TFDP1: variants seen among roughly 807,000 people sequenced by gnomAD.
TFDP1 encodes transcription factor Dp-1.
A neutral mutation model predicts 48.0 loss-of-function variants in TFDP1; 6 were observed. The ratio of observed to expected loss-of-function variants is 0.13; its 90% CI spans 0.07 to 0.25. TFDP1 has a LOEUF of 0.25. Among genes scored for constraint, TFDP1 ranks in the 10% least tolerant of loss-of-function variants. The pLI, the probability that TFDP1 is intolerant of heterozygous loss-of-function variation, is 1.00. For synonymous variants in TFDP1, 201 were observed against 211.6 expected, an observed-to-expected ratio of 0.95 and a Z score of 0.44; for missense variants, 335 against 543.0, an observed-to-expected ratio of 0.62 and a Z score of 3.81.
At position 113,625,476 on chromosome 13, in the gene TFDP1, T is replaced by C. The variant is rs1191896172; in HGVS notation, c.186+2190T>C. 5.2e-3 allele frequency among the ~76,000 whole-genome samples: 426 copies of C among 82,150 alleles called. 13 individuals carry two copies. Among genetic ancestry groups the C allele is most frequent in the Non-Finnish European group, 7.6e-3 (347 of 45,496 alleles). 53.9% of individuals were successfully genotyped at this position (82,150 alleles called of 152,430 possible). ...GTGTCTCTCACGTGTCCTCAGGTGT[T>C]TCTCAGGTGTCTCTCACGTGTTCTC... On this transcript the variant is annotated intron_variant, in intron 4 of 11. Transcript: ENST00000375370.
intron 11 of TFDP1, among the ~76,000 whole-genome samples, chr13:113,638,825 A>G (rs1168954417): frequency 6.6e-6 from 1 of 152,236 alleles, no homozygotes; most frequent in Non-Finnish European, 1.5e-5. Context: ...ATTGTGATAC[A>G]ATATATAGTA....
At chr13:113,596,590 G>A (rs2048295059) in intron 2 of TFDP1, among the ~76,000 whole-genome samples, 1 of 152,330 alleles carries the variant, frequency 6.6e-6, no homozygotes, top group Admixed American at 6.5e-5. Context: ...AGAACTGGAA[G>A]CCTGGTCTGT....
rs564479550 is a variant in TFDP1 at position 113,614,901 on chromosome 13, G to A, written c.79+3839G>A. ...TCTGAAAGCCTTCAGTGGGTTAGAC[G>A]AGGCCCACCTGCATCGAGCACAGTC... is the stretch of plus-strand genomic sequence containing the variant. On this transcript the variant is annotated intron_variant, in intron 3 of 11. Transcript: ENST00000375370. Among the ~76,000 whole-genome samples, 8 of 152,278 alleles carry A rather than the reference G, an allele frequency of 5.3e-5. No homozygotes were observed. In the South Asian group the frequency reaches 6.2e-4, roughly 12 times the overall value.
At chr13:113,628,253 G>C (rs928140798) in intron 4 of TFDP1, among the ~76,000 whole-genome samples, 16 of 151,846 alleles carry the variant, frequency 1.1e-4, no homozygotes, top group Non-Finnish European at 2.4e-4. Context: ...TGTAGAGACT[G>C]TGTCTGAAGC....
Position 113,634,609 on chromosome 13 carries a change from G to T in TFDP1, c.687+7G>T, listed in dbSNP as rs761315744. The T allele has an allele frequency of 6.2e-7, 1 of 1,601,082 alleles. No individual in the cohort carries two copies. The highest frequency in any genetic ancestry group is 8.5e-7 in the Non-Finnish European group (1 of 1,172,054). ...TCAAGAACTTATTCTACAGGTAAGA[G>T]AATACGTATCTGTGGAGGCAGGGTA... On this transcript the variant is annotated splice_region_variant and intron_variant, in intron 8 of 11. Coordinates refer to ENST00000375370, the MANE Select transcript of TFDP1 (RefSeq NM_007111.5).
At chr13:113,609,027 C>T (rs977998939) in intron 2 of TFDP1, among the ~76,000 whole-genome samples, 11 of 152,244 alleles carry the variant, frequency 7.2e-5, no homozygotes, top group African/African-American at 2.7e-4. Flanking sequence ...CCACGCATGC[C>T]GGCCTTCAGG....
At position 113,623,878 on chromosome 13, in the gene TFDP1, C is replaced by T. The variant is rs375088545; in HGVS notation, c.186+592C>T. ...ATAATGCTGTTTCCTGTCTCGTGTC[C>T]GCCCTCTGCGTCCTTGCCGGTGGCA... On this transcript the variant is annotated intron_variant, in intron 4 of 11. Coordinates refer to ENST00000375370, the MANE Select transcript of TFDP1 (RefSeq NM_007111.5). The surrounding 1 kb of genome is among the most constrained non-coding windows in gnomAD (Gnocchi z 5.2). 7.9e-5 allele frequency among the ~76,000 whole-genome samples: 12 copies of T among 152,166 alleles called. No homozygotes were observed. The highest frequency in any genetic ancestry group is 1.2e-4 in the African/African-American group (5 of 41,428).
rs4150776 is a variant in TFDP1 at position 113,631,931 on chromosome 13, G to A, written c.308+187G>A. The A allele has an allele frequency of 2.1e-3, 1,640 of 773,404 alleles. 22 individuals carry two copies. In the African/African-American group the frequency reaches 0.026, roughly 12 times the overall value. The allele number at this position is 773,404 out of a possible 1,614,324, so 47.9% of individuals were successfully genotyped here. ...GTGTGCAGCCGAGGCGCACTGCCTC[G>A]GTCATGGAGAAGTCGGGCTGGGCAC... is the stretch of plus-strand genomic sequence containing the variant. On this transcript the variant is annotated intron_variant, in intron 5 of 11. Transcript: ENST00000375370.
intron 2 of TFDP1, among the ~76,000 whole-genome samples, chr13:113,602,731 TC>T (rs907618551): frequency 3.3e-5 from 5 of 151,938 alleles, no homozygotes; most frequent in Non-Finnish European, 7.4e-5. Flanking sequence ...ATTTGCAGGG[TC>T]CCCCCTGAGA....
chr13:113,608,229 T>C (rs1221536800), intron 2 of TFDP1, among the ~76,000 whole-genome samples: 1 of 152,210 alleles, frequency 6.6e-6, no homozygotes, highest in Admixed American at 6.5e-5. Flanking sequence ...AAAAAGGCAC[T>C]GTGCCACCCG....
chr13:113,613,579 TGTGC>T (rs1566655400), intron 3 of TFDP1, among the ~76,000 whole-genome samples: 1 of 96,408 alleles, frequency 1.0e-5, no homozygotes, highest in Non-Finnish European at 2.0e-5. Flanking sequence ...CGAGTGTGTG[TGTGC>T]ATGAGTGTGT....
Position 113,640,501 on chromosome 13 carries a change from G to T in TFDP1, c.*234G>T. 1.8e-6 allele frequency: 1 copy of T among 559,932 alleles called. No individual in the cohort carries two copies. Among genetic ancestry groups the T allele is most frequent in the Non-Finnish European group, 2.7e-6 (1 of 366,554 alleles). The allele number at this position is 559,932 out of a possible 1,614,324, so 34.7% of individuals were successfully genotyped here. A position where few individuals can be genotyped will look rare whatever the true frequency, so the allele number is the denominator to read the frequency against. The stretch of plus-strand genomic sequence containing the variant: ...TGCAGAGCGTTTATTTACTTGTTAG[G>T]ATTTTGTGTTTTCATTTGCTATTTT... On this transcript the variant is annotated 3_prime_UTR_variant, in exon 12 of 12. Coordinates refer to ENST00000375370, the MANE Select transcript of TFDP1 (RefSeq NM_007111.5).
chr13:113,628,916 T>A (rs1236412924), intron 4 of TFDP1, among the ~76,000 whole-genome samples: 2 of 152,104 alleles, frequency 1.3e-5, no homozygotes, highest in Admixed American at 6.5e-5. Context: ...GTCTGTTGAA[T>A]GGGAGACTGG....
At chr13:113,613,404 T>C (rs2048756915) in intron 3 of TFDP1, among the ~76,000 whole-genome samples, 1 of 152,252 alleles carries the variant, frequency 6.6e-6, no homozygotes, top group East Asian at 1.9e-4. Flanking sequence ...AGGTTTCCTT[T>C]TTTCCTCTTC....
chr13:113,620,649 A>G (rs1470481698), intron 3 of TFDP1, among the ~76,000 whole-genome samples: 4 of 152,278 alleles, frequency 2.6e-5, no homozygotes, highest in South Asian at 4.1e-4. Context: ...TACACCGTGT[A>G]TATGTGCATC....
intron 10 of TFDP1, chr13:113,637,505 A>G (rs1026225730): frequency 1.8e-6 from 2 of 1,096,364 alleles, no homozygotes; most frequent in Admixed American, 5.5e-5. Flanking sequence ...TCAGCTTGAC[A>G]CTTTGATTCG....
At position 113,633,895 on chromosome 13, in the gene TFDP1, T is replaced by C. The variant is rs200482856; in HGVS notation, c.480T>C (p.Tyr160=). Residue 160 remains tyrosine (Y), a synonymous_variant, in exon 7 of 12, where the codon TAT becomes TAC. Transcript: ENST00000375370. The surrounding 1 kb of genome is among the most constrained non-coding windows in gnomAD (Gnocchi z 4.5). ...CCACTCCCTGTCATCCCCAGGCTTATGACCAGAAAAACATAAGACGGCGCG... is the reference window on the plus strand; with the variant it reads ...CCACTCCCTGTCATCCCCAGGCTTACGACCAGAAAAACATAAGACGGCGCG... ...DNHILPNESA[Y]DQKNIRRRVY... is the part of the protein sequence containing the mutation. The C allele has an allele frequency of 5.6e-6, 9 of 1,611,632 alleles. No homozygotes were observed. In the Admixed American group the frequency reaches 1.5e-4, roughly 27 times the overall value.
In TFDP1 at chr13:113,611,191, G is replaced by A. The variant is rs1005559987; in HGVS notation, c.79+129G>A. 69 of 878,100 alleles carry A rather than the reference G, an allele frequency of 7.9e-5. 1 individual carries two copies. The Admixed American group carries it at 1.2e-3, about 15-fold the overall frequency. The allele number at this position is 878,100 out of a possible 1,614,324, so 54.4% of individuals were successfully genotyped here. A position where few individuals can be genotyped will look rare whatever the true frequency, so the allele number is the denominator to read the frequency against. On this transcript the variant is annotated intron_variant, in intron 3 of 11. Coordinates refer to ENST00000375370, the MANE Select transcript of TFDP1 (RefSeq NM_007111.5). ...TCCTGCATGGGCACCTTTGTGCTCC[G>A]GGAACCCAGGAGGGTGGGCGTAGGA...
intron 2 of TFDP1, among the ~76,000 whole-genome samples, chr13:113,610,588 C>T (rs1202062361): frequency 1.3e-5 from 2 of 149,034 alleles, no homozygotes; most frequent in African/African-American, 2.5e-5. Context: ...GTGGCTGTGC[C>T]GTCACGTGTG....
Sources: allele counts gnomAD v4.1 joint callset (sites outside exome capture counted in the v4.1 genomes callset), GRCh38; gene constraint gnomAD v4.1.1; non-coding constraint Gnocchi (gnomAD v3.1); transcripts MANE v1.5; gene names NCBI Gene and HGNC (gene_info 2026-07-23, HGNC 2026-07-21).